RIN3: variants seen among roughly 807,000 people sequenced by gnomAD.
RIN3 encodes the protein RAB5 interacting protein 3.
Under a neutral mutation model 76.3 loss-of-function variants are expected in RIN3, and 54 were observed. The observed-to-expected ratio is 0.71, with a 90% CI of 0.57 to 0.89. The LOEUF is 0.89. RIN3 is among the 40% of genes least tolerant of loss of function. The probability of loss-of-function intolerance (pLI) is 0.00; values close to 1 mark genes in which losing one functional copy is unlikely to be tolerated. For synonymous variants in RIN3, 576 were observed against 564.0 expected (o/e 1.02, Z -0.30); for missense variants, 1,256 against 1,322.1 (o/e 0.95, Z 0.78).
intron 8 of RIN3, 30 bp downstream of exon 8, chr14:92,676,636 C>A: frequency 1.2e-6 from 2 of 1,606,872 alleles, no homozygotes; most frequent in East Asian, 4.5e-5. Flanking sequence ...CCATCAGGTG[C>A]ATTGCACACC....
chr14:92,577,537 G>A, intron 3 of RIN3, 60 bp downstream of exon 3: 2 of 1,058,748 alleles, frequency 1.9e-6, no homozygotes, highest in Non-Finnish European at 1.5e-6. Flanking sequence ...CAGCAGAGAG[G>A]CTGCACCTTC....
intron 3 of RIN3, among the ~76,000 whole-genome samples, chr14:92,580,818 G>T (rs554070447): frequency 1.3e-5 from 2 of 152,194 alleles, no homozygotes; most frequent in East Asian, 3.8e-4. Flanking sequence ...CACCTGTGCC[G>T]CATTCCATTG....
Position 92,688,560 on chromosome 14 carries a change from T to G in RIN3, c.*308T>G. 2.3e-6 allele frequency: 1 copy of G among 434,004 alleles called. No homozygotes were observed. The allele number at this position is 434,004 out of a possible 1,614,324, so 26.9% of individuals were successfully genotyped here. A position where few individuals can be genotyped will look rare whatever the true frequency, so the allele number is the denominator to read the frequency against. ...AACAAACCGGCGCCCTCTTCACACG[T>G]AGCTCCTCAGGCCATTCCCCATGAG... On this transcript the variant is annotated 3_prime_UTR_variant, in exon 10 of 10. Transcript: ENST00000216487.
At chr14:92,655,131 C>A (rs900739562) in intron 6 of RIN3, among the ~76,000 whole-genome samples, 1 of 151,992 alleles carries the variant, frequency 6.6e-6, no homozygotes, top group African/African-American at 2.4e-5. Context: ...TGCCACTGCA[C>A]TCCAGCCTGG....
rs1896398226 is a variant in RIN3, at chr14:92,514,953, C to T, written c.44+977C>T. Among the ~76,000 whole-genome samples the T allele has an allele frequency of 6.6e-6, 1 of 152,192 alleles. No homozygotes were observed. Among genetic ancestry groups the T allele is most frequent in the Non-Finnish European group, 1.5e-5 (1 of 68,036 alleles). On this transcript the variant is annotated intron_variant, in intron 1 of 9. Transcript: ENST00000216487. The surrounding 1 kb of genome is among the most constrained non-coding windows in gnomAD (Gnocchi z 7.2). Reference sequence around the variant, plus strand: ...CCTACTTCTCTGATGGACACCCTGCCGCTCCCTGGCTTGGCAGTGGGACCT... The same window carrying T: ...CCTACTTCTCTGATGGACACCCTGCTGCTCCCTGGCTTGGCAGTGGGACCT...
At chr14:92,596,189 T>C (rs1409140548) in intron 3 of RIN3, among the ~76,000 whole-genome samples, 2 of 152,236 alleles carry the variant, frequency 1.3e-5, no homozygotes, top group African/African-American at 4.8e-5. Flanking sequence ...TAGTTCCCAG[T>C]GCAAGGCTGC....
intron 7 of RIN3, among the ~76,000 whole-genome samples, chr14:92,665,453 A>T (rs1247855031): frequency 1.5e-5 from 2 of 135,034 alleles, no homozygotes; most frequent in Non-Finnish European, 3.0e-5. Context: ...ATCTCGGCTC[A>T]CTGCAAGCTC....
chr14:92,545,079 T>C (rs957830482), intron 1 of RIN3, among the ~76,000 whole-genome samples: 1 of 151,452 alleles, frequency 6.6e-6, no homozygotes, highest in Non-Finnish European at 1.5e-5. Context: ...GATTGCTTTT[T>C]AAAACGTTTT....
Position 92,688,238 on chromosome 14 carries a change from C to A in RIN3, c.2944C>A (p.Pro982Thr), listed in dbSNP as rs764089654. The A allele has an allele frequency of 3.1e-6, 5 of 1,590,496 alleles. No homozygotes were observed. The highest frequency in any genetic ancestry group is 1.3e-5 in the African/African-American group (1 of 74,536). ...GSPPCLVVRE[P>T]NFL is the part of the protein sequence containing the mutation. ...CCCGCCCTGCCTGGTGGTGCGGGAG[C>A]CCAACTTCCTGTGAGGCCCTCCCGG... The change falls in exon 10 of 10, where the codon CCC (proline) becomes ACC (threonine). Residue 982 changes from proline to threonine, a missense_variant. By Grantham distance (38) the Pro-to-Thr change is conservative. This residue lies in a region of RIN3 where 218 missense variants were observed against 174.5 expected (regional missense o/e 1.25). Transcript: ENST00000216487.
rs886226082 is a variant in RIN3 at position 92,513,976 on chromosome 14, G to T, written c.44G>T (p.Gly15Val). The T allele has an allele frequency of 3.2e-6, 4 of 1,239,664 alleles. No individual in the cohort carries two copies. The highest frequency in any genetic ancestry group is 4.0e-6 in the Non-Finnish European group (4 of 991,674). 76.8% of individuals were successfully genotyped at this position (1,239,664 alleles called of 1,614,324 possible). A position where few individuals can be genotyped will look rare whatever the true frequency, so the allele number is the denominator to read the frequency against. ...AGAPARGDPTGPVPVVGKGEE... is the reference protein window; with the variant it reads ...AGAPARGDPTVPVPVVGKGEE... ...GCGCCCGCGCGCGGGGACCCCACGG[G>T]GTAAGTCCGGGCGGCCGCCCCCTCC... is the stretch of plus-strand genomic sequence containing the variant. Residue 15 changes from glycine (G) to valine (V), a missense_variant and splice_region_variant, in exon 1 of 10, where the codon GGT becomes GTT. This residue lies in a region of RIN3 where 610 missense variants were observed against 626.4 expected (regional missense o/e 0.97). Transcript: ENST00000216487.
At chr14:92,616,464 T>C (rs920611996) in intron 4 of RIN3, among the ~76,000 whole-genome samples, 1 of 152,208 alleles carries the variant, frequency 6.6e-6, no homozygotes, top group African/African-American at 2.4e-5. Context: ...TATTTCCTGT[T>C]ATAACTGAAG....
At chr14:92,620,953 G>C (rs1284501236) in intron 4 of RIN3, among the ~76,000 whole-genome samples, 1 of 152,102 alleles carries the variant, frequency 6.6e-6, no homozygotes, top group African/African-American at 2.4e-5. Flanking sequence ...TGTGAGATTT[G>C]GCTTTGCACT....
In RIN3 at chr14:92,681,283, C is replaced by CA. The variant is rs200466247; in HGVS notation, c.2468-3701dup. On this transcript the variant is annotated intron_variant, in intron 8 of 9. Coordinates refer to ENST00000216487, the MANE Select transcript of RIN3 (RefSeq NM_024832.5). This position sits in a 1 kb window ranked among gnomAD's most constrained non-coding sequence, Gnocchi z 4.7. Reference sequence around the variant, plus strand: ...TGGCAGGCATTTCATGGCCCCAAGTCAAAGAGGAAGGCTGGCAGAGAGAGA... The same window carrying CA: ...TGGCAGGCATTTCATGGCCCCAAGTCAAAAGAGGAAGGCTGGCAGAGAGAGA... Among the ~76,000 whole-genome samples the CA allele has an allele frequency of 7.5e-3, 1,141 of 152,262 alleles. 19 individuals are homozygous for CA. Among genetic ancestry groups the CA allele is most frequent in the African/African-American group, 0.026 (1,090 of 41,548 alleles).
chr14:92,591,456 A>G (rs1461726934), intron 3 of RIN3, among the ~76,000 whole-genome samples: 4 of 152,218 alleles, frequency 2.6e-5, no homozygotes, highest in African/African-American at 7.2e-5. Flanking sequence ...CCTCAAATTA[A>G]TATCAGACAC....
intron 8 of RIN3, among the ~76,000 whole-genome samples, chr14:92,684,150 C>T (rs1040074042): frequency 2.0e-5 from 3 of 152,096 alleles, no homozygotes; most frequent in Non-Finnish European, 4.4e-5. Context: ...GAGGCTGAGG[C>T]GGGCGGATCA....
At chr14:92,582,757 G>A (rs919227115) in intron 3 of RIN3, among the ~76,000 whole-genome samples, 2 of 152,188 alleles carry the variant, frequency 1.3e-5, no homozygotes, top group East Asian at 3.9e-4. Flanking sequence ...CTGGCCTGCC[G>A]TGTCCTTGTA....
At chr14:92,531,544 C>T (rs72697232) in intron 1 of RIN3, among the ~76,000 whole-genome samples, 23,778 of 152,214 alleles carry the variant, frequency 0.16, 2,105 homozygotes, top group South Asian at 0.22. Flanking sequence ...GCCTGGCAGG[C>T]GGCCCCTGTC....
Position 92,659,321 on chromosome 14 carries a change from G to T in RIN3, c.2187G>T (p.Val729=). 6.2e-7 allele frequency: 1 copy of T among 1,612,828 alleles called. No individual in the cohort carries two copies. Among genetic ancestry groups the T allele is most frequent in the Non-Finnish European group, 8.5e-7 (1 of 1,179,326 alleles). Residue 729 remains valine, a synonymous_variant, in exon 7 of 10, where the codon GTG becomes GTT. Transcript: ENST00000216487. ...ILATTTTDLG[V]TTSVPEVPMM... ...CCACCACCACCACTGACCTAGGTGT[G>T]ACCACCAGCGTGCCGGAGGTGCCCA...
chr14:92,575,865 C>T (rs1898211161), intron 2 of RIN3, among the ~76,000 whole-genome samples: 1 of 152,016 alleles, frequency 6.6e-6, no homozygotes, highest in Non-Finnish European at 1.5e-5. Context: ...CCTGGGAATG[C>T]AGCCCAGCGG....
Sources: gnomAD v4.1 joint callset for allele counts (sites outside exome capture counted in the v4.1 genomes callset) on GRCh38, gnomAD v4.1.1 for gene constraint, gnomAD v4.1.1 regional missense constraint, Gnocchi (gnomAD v3.1) non-coding constraint, MANE v1.5 for transcripts, NCBI Gene and HGNC (gene_info 2026-07-23, HGNC 2026-07-21) for gene names.